Variants in SLIT2 observed in about 807,000 individuals in gnomAD.
SLIT2 encodes slit guidance ligand 2.
Under a neutral mutation model 185.7 loss-of-function variants are expected in SLIT2, and 41 were observed. The observed-to-expected ratio is 0.22, with a 90% CI of 0.17 to 0.29. The LOEUF (loss-of-function observed/expected upper bound fraction) is 0.29, where lower values mean the gene tolerates loss of function less well. SLIT2 is among the 10% of genes least tolerant of loss of function. The probability of loss-of-function intolerance (pLI) is 1.00; values close to 1 mark genes in which losing one functional copy is unlikely to be tolerated. For synonymous variants in SLIT2, 693 were observed against 680.2 expected, an observed-to-expected ratio of 1.02 and a Z score of -0.29; for missense variants, 1,571 against 1,909.0, an observed-to-expected ratio of 0.82 and a Z score of 3.30.
At position 20,525,245 on chromosome 4, in the gene SLIT2, T is replaced by C. The variant is rs370833118; in HGVS notation, c.1462+73T>C. On this transcript the variant is annotated intron_variant, in intron 15 of 36. Transcript: ENST00000504154. ...CCTTATAAAATATAGCTTCTAAAACTGATATGCATGCTTCTGAAAGTACAG... is the reference window on the plus strand; with the variant it reads ...CCTTATAAAATATAGCTTCTAAAACCGATATGCATGCTTCTGAAAGTACAG... 6.9e-5 allele frequency: 74 copies of C among 1,072,278 alleles called. No homozygotes were observed. The African/African-American group carries it at 9.3e-4, about 14-fold the overall frequency. The allele number at this position is 1,072,278 out of a possible 1,614,324, so 66.4% of individuals were successfully genotyped here. A position where few individuals can be genotyped will look rare whatever the true frequency, so the allele number is the denominator to read the frequency against.
chr4:20,405,229 A>C (rs929745666), intron 4 of SLIT2, among the ~76,000 whole-genome samples: 1 of 151,948 alleles, frequency 6.6e-6, no homozygotes, highest in East Asian at 1.9e-4. Context: ...AATGTATCAC[A>C]TACTCTAAAT....
At chr4:20,261,580 C>T (rs1712481830) in intron 3 of SLIT2, among the ~76,000 whole-genome samples, 1 of 151,690 alleles carries the variant, frequency 6.6e-6, no homozygotes, top group Admixed American at 6.6e-5. Context: ...TTAGGGGGAC[C>T]CAGATCATGT....
At chr4:20,593,594 T>C (rs1037579233) in intron 30 of SLIT2, among the ~76,000 whole-genome samples, 2 of 152,080 alleles carry the variant, frequency 1.3e-5, no homozygotes, top group African/African-American at 4.8e-5. Flanking sequence ...ATTATATACT[T>C]GAAATTTGCT....
At chr4:20,370,824 A>G (rs1723511969) in intron 4 of SLIT2, among the ~76,000 whole-genome samples, 1 of 152,112 alleles carries the variant, frequency 6.6e-6, no homozygotes, top group Non-Finnish European at 1.5e-5. Flanking sequence ...AAAACAGAGG[A>G]AGTCCCAAAT....
At chr4:20,533,789 A>T in intron 18 of SLIT2, 74 bp downstream of exon 18, 1 of 1,399,298 alleles carries the variant, frequency 7.1e-7, no homozygotes, top group Non-Finnish European at 9.9e-7. Flanking sequence ...ATCCTGGGAG[A>T]GAGAAACACC....
At chr4:20,506,302 A>C (rs895629036) in intron 9 of SLIT2, among the ~76,000 whole-genome samples, 1 of 151,962 alleles carries the variant, frequency 6.6e-6, no homozygotes, top group African/African-American at 2.4e-5. Context: ...GACATTTGAA[A>C]ATCTCTTAAT....
intron 4 of SLIT2, among the ~76,000 whole-genome samples, chr4:20,344,581 A>G (rs1246166377): frequency 2.0e-5 from 3 of 152,186 alleles, no homozygotes; most frequent in Non-Finnish European, 4.4e-5. Flanking sequence ...TATGTAGTCA[A>G]TATTTTCTCT....
Position 20,619,303 on chromosome 4 carries a change from A to C in SLIT2, c.*294A>C. On this transcript the variant is annotated 3_prime_UTR_variant, in exon 37 of 37. Transcript: ENST00000504154. Reference sequence around the variant, plus strand: ...CCATCTTTGTAACATGCTGAAGACAAGCAGAAGCACATGCACGAGGGACAG... The same window carrying C: ...CCATCTTTGTAACATGCTGAAGACACGCAGAAGCACATGCACGAGGGACAG... The C allele has an allele frequency of 3.9e-6, 1 of 256,292 alleles. No homozygotes were observed. The highest frequency in any genetic ancestry group is 5.8e-5 in the South Asian group (1 of 17,164). 15.9% of individuals were successfully genotyped at this position (256,292 alleles called of 1,614,324 possible). A position where few individuals can be genotyped will look rare whatever the true frequency, so the allele number is the denominator to read the frequency against.
chr4:20,404,368 G>A (rs1726600703), intron 4 of SLIT2, among the ~76,000 whole-genome samples: 1 of 151,848 alleles, frequency 6.6e-6, no homozygotes, highest in African/African-American at 2.4e-5. Flanking sequence ...ATAAACTCTT[G>A]CTCTGAAATA....
At chr4:20,371,701 G>A (rs1723591981) in intron 4 of SLIT2, among the ~76,000 whole-genome samples, 1 of 152,050 alleles carries the variant, frequency 6.6e-6, no homozygotes, top group Non-Finnish European at 1.5e-5. Flanking sequence ...GATCATCACT[G>A]ATAACCACCA....
Position 20,529,040 on chromosome 4 carries a change from T to C in SLIT2, c.1554T>C (p.Asp518=), listed in dbSNP as rs568000436. ...GTCGCTGTGAAGGAACCACAGTAGATTGCTCTAATCAAAAGCTCAACAAAA... is the reference window on the plus strand; with the variant it reads ...GTCGCTGTGAAGGAACCACAGTAGACTGCTCTAATCAAAAGCTCAACAAAA... ...EKCRCEGTTV[D]CSNQKLNKIP... is the part of the protein sequence containing the mutation. The change falls in exon 16 of 37, where the codon GAT becomes GAC. Residue 518 remains aspartate, a synonymous_variant. Transcript: ENST00000504154. The C allele has an allele frequency of 1.9e-5, 30 of 1,614,010 alleles. No homozygotes were observed. Among genetic ancestry groups the C allele is most frequent in the South Asian group, 5.5e-5 (5 of 91,076 alleles).
chr4:20,523,355 C>G (rs2148848242), intron 12 of SLIT2, among the ~76,000 whole-genome samples: 1 of 152,284 alleles, frequency 6.6e-6, no homozygotes, highest in South Asian at 2.1e-4. Context: ...AAGGATCACA[C>G]TAGCTACTGT....
chr4:20,469,669 A>T (rs1464124353), intron 5 of SLIT2, among the ~76,000 whole-genome samples: 11 of 151,492 alleles, frequency 7.3e-5, no homozygotes, highest in African/African-American at 2.4e-4. Context: ...TGAGTTTAAG[A>T]CTGGAGTCTC....
chr4:20,288,630 G>A (rs989659242), intron 4 of SLIT2, among the ~76,000 whole-genome samples: 1 of 152,124 alleles, frequency 6.6e-6, no homozygotes, highest in Non-Finnish European at 1.5e-5. Flanking sequence ...TATACAAAAT[G>A]AACGGCTATG....
At chr4:20,290,419 G>A (rs1235305819) in intron 4 of SLIT2, among the ~76,000 whole-genome samples, 5 of 152,184 alleles carry the variant, frequency 3.3e-5, no homozygotes, top group Non-Finnish European at 7.4e-5. Flanking sequence ...ATTAGTTACT[G>A]TAAGTAGTTT....
intron 4 of SLIT2, among the ~76,000 whole-genome samples, chr4:20,284,271 A>T (rs901456196): frequency 6.6e-6 from 1 of 152,248 alleles, no homozygotes; most frequent in African/African-American, 2.4e-5. Context: ...ACAAACCTCT[A>T]GCCTGGGGAC....
At chr4:20,367,735 C>A (rs1464506037) in intron 4 of SLIT2, among the ~76,000 whole-genome samples, 1 of 152,132 alleles carries the variant, frequency 6.6e-6, no homozygotes, top group African/African-American at 2.4e-5. Context: ...TGGCCCCTAT[C>A]TTTGCCATCA....
At chr4:20,354,959 A>G (rs1340236860) in intron 4 of SLIT2, among the ~76,000 whole-genome samples, 1 of 151,746 alleles carries the variant, frequency 6.6e-6, no homozygotes, top group Admixed American at 6.6e-5. Flanking sequence ...CAAGGGCAAG[A>G]AAAAAATGCC....
intron 4 of SLIT2, among the ~76,000 whole-genome samples, chr4:20,452,203 A>C (rs185966273): frequency 6.6e-6 from 1 of 152,280 alleles, no homozygotes; most frequent in East Asian, 1.9e-4. Context: ...GCCAGAGCAA[A>C]TCCAGCCTGT....
Sources: gnomAD v4.1 joint callset for allele counts (sites outside exome capture counted in the v4.1 genomes callset) on GRCh38, gnomAD v4.1.1 for gene constraint, MANE v1.5 for transcripts, NCBI Gene and HGNC (gene_info 2026-07-23, HGNC 2026-07-21) for gene names.